The following WDR70 variants were observed in gnomAD, a reference collection of about 807,000 sequenced individuals.
WDR70 encodes WD repeat domain 70.
WDR70 carries 53 observed loss-of-function variants against 88.6 expected under a neutral mutation model. That is an observed-to-expected ratio of 0.60 (90% CI 0.48 to 0.75). WDR70 has a LOEUF of 0.75. Ranked by LOEUF, WDR70 falls within the 30% of genes least tolerant of loss-of-function variation. The pLI, the probability that WDR70 is intolerant of heterozygous loss-of-function variation, is 0.00. For synonymous variants in WDR70, 280 were observed against 270.0 expected (o/e 1.04, Z -0.36); for missense variants, 610 against 823.2 (o/e 0.74, Z 3.17).
chr5:37,537,466 A>C (rs1037520409), intron 9 of WDR70, among the ~76,000 whole-genome samples: 4 of 152,182 alleles, frequency 2.6e-5, no homozygotes, highest in African/African-American at 9.7e-5. Flanking sequence ...TTGAGCTATC[A>C]ATATTTAAAA....
chr5:37,617,377 A>G (rs1003905855), intron 10 of WDR70, among the ~76,000 whole-genome samples: 1 of 152,242 alleles, frequency 6.6e-6, no homozygotes, highest in Non-Finnish European at 1.5e-5. Context: ...ACTAAAAATC[A>G]TTGAATTGCA....
intron 9 of WDR70, among the ~76,000 whole-genome samples, chr5:37,561,015 C>T (rs1009503134): frequency 2.0e-5 from 3 of 151,552 alleles, no homozygotes; most frequent in Non-Finnish European, 4.4e-5. Context: ...TTGGCTGAGC[C>T]GGCCATGTGG....
intron 7 of WDR70, among the ~76,000 whole-genome samples, chr5:37,445,139 T>C (rs771855410): frequency 6.6e-5 from 10 of 152,212 alleles, no homozygotes; most frequent in Non-Finnish European, 1.5e-4. Flanking sequence ...ATCATAATTA[T>C]ATTGTATCAC....
chr5:37,520,490 A>C (rs576323634), intron 9 of WDR70, among the ~76,000 whole-genome samples: 77 of 152,188 alleles, frequency 5.1e-4, no homozygotes, highest in African/African-American at 1.8e-3. Flanking sequence ...CTGCATAATT[A>C]CTTTTCCAAA....
At chr5:37,557,589 A>C (rs928750062) in intron 9 of WDR70, among the ~76,000 whole-genome samples, 3 of 152,036 alleles carry the variant, frequency 2.0e-5, no homozygotes, top group African/African-American at 7.2e-5. Context: ...GGGAATCTCA[A>C]GTAATTATTT....
intron 8 of WDR70, chr5:37,505,719 G>T: frequency 1.7e-6 from 2 of 1,155,860 alleles, no homozygotes; most frequent in South Asian, 2.4e-5. Context: ...GTATAGTGGT[G>T]TCAGCATCTC....
At chr5:37,497,301 CCCTT>C (rs1561875712) in intron 8 of WDR70, among the ~76,000 whole-genome samples, 1 of 145,476 alleles carries the variant, frequency 6.9e-6, no homozygotes, top group African/African-American at 2.6e-5. Context: ...CTTCCCTTCT[CCCTT>C]CCCTTCCCTT....
At chr5:37,394,995 TGTTATAG>T (rs1364820058) in intron 4 of WDR70, among the ~76,000 whole-genome samples, 1 of 152,228 alleles carries the variant, frequency 6.6e-6, no homozygotes, top group Non-Finnish European at 1.5e-5. Context: ...ATTGAGTGCC[TGTTATAG>T]GTGAAGCATT....
At chr5:37,387,080 C>T (rs891190770) in intron 3 of WDR70, among the ~76,000 whole-genome samples, 3 of 145,434 alleles carry the variant, frequency 2.1e-5, no homozygotes, top group Admixed American at 6.9e-5. Context: ...GCCTGGGCGA[C>T]GAGAGCAAAA....
intron 5 of WDR70, among the ~76,000 whole-genome samples, chr5:37,404,891 A>G (rs1325215828): frequency 6.6e-6 from 1 of 152,154 alleles, no homozygotes; most frequent in Non-Finnish European, 1.5e-5. Context: ...TCTGCACAAA[A>G]ATAATTATCA....
intron 9 of WDR70, among the ~76,000 whole-genome samples, chr5:37,599,551 T>A (rs1743801575): frequency 6.6e-6 from 1 of 152,210 alleles, no homozygotes; most frequent in Non-Finnish European, 1.5e-5. Context: ...AAAAGAGTAG[T>A]CCTTTCAACA....
chr5:37,586,904 C>T (rs1256243974), intron 9 of WDR70, among the ~76,000 whole-genome samples: 1 of 152,136 alleles, frequency 6.6e-6, no homozygotes, highest in East Asian at 1.9e-4. Flanking sequence ...TGTCACACAG[C>T]TCTCTGACAC....
chr5:37,752,376 G>T, intron 17 of WDR70, 110 bp from the exon 18 acceptor site: 1 of 675,392 alleles, frequency 1.5e-6, no homozygotes, highest in South Asian at 2.0e-5. Flanking sequence ...TAATAATTGA[G>T]TTGTAATTTA....
chr5:37,743,655 G>A (rs1748551625), intron 17 of WDR70, among the ~76,000 whole-genome samples: 1 of 152,206 alleles, frequency 6.6e-6, no homozygotes, highest in Non-Finnish European at 1.5e-5. Context: ...GTGGCAGTCT[G>A]TGGCCAGAGT....
rs1029194834 is a variant in WDR70 at position 37,701,138 on chromosome 5, C to G, written c.1273C>G (p.Pro425Ala). ...AGCCTCGGGTCTTCCCACCATGTTCCCAATGTAAGTAGCATATTTTAAATA... is the reference window on the plus strand; with the variant it reads ...AGCCTCGGGTCTTCCCACCATGTTCGCAATGTAAGTAGCATATTTTAAATA... ...FSASGLPTMFPMTDCCFSPDD... is the reference protein window; with the variant it reads ...FSASGLPTMFAMTDCCFSPDD... The change falls in exon 12 of 18, where the codon CCA becomes GCA. Residue 425 changes from proline (P) to alanine (A), a missense_variant. Pro to Ala is a conservative substitution (Grantham distance 27). Transcript: ENST00000265107. 2 of 1,585,908 alleles carry G rather than the reference C, an allele frequency of 1.3e-6. No individual in the cohort carries two copies. The highest frequency in any genetic ancestry group is 2.7e-5 in the African/African-American group (2 of 74,348).
chr5:37,616,309 T>C (rs1259575173), intron 10 of WDR70, among the ~76,000 whole-genome samples: 3 of 152,084 alleles, frequency 2.0e-5, no homozygotes, highest in Non-Finnish European at 4.4e-5. Flanking sequence ...GTTTTTGCCA[T>C]GTTGGCCAGG....
At chr5:37,553,886 T>C (rs1234994183) in intron 9 of WDR70, among the ~76,000 whole-genome samples, 1 of 152,218 alleles carries the variant, frequency 6.6e-6, no homozygotes, top group African/African-American at 2.4e-5. Flanking sequence ...CGAGCATTAA[T>C]TGAGTTCATG....
chr5:37,404,869 T>A (rs1240795360), intron 5 of WDR70, among the ~76,000 whole-genome samples: 2 of 152,196 alleles, frequency 1.3e-5, no homozygotes, highest in African/African-American at 4.8e-5. Flanking sequence ...ATGAAAGATT[T>A]GGACAAAGCT....
intron 7 of WDR70, among the ~76,000 whole-genome samples, chr5:37,451,991 T>TCAA (rs542435647): frequency 2.2e-4 from 34 of 151,966 alleles, no homozygotes; most frequent in South Asian, 1.5e-3. Flanking sequence ...AGACTCCATC[T>TCAA]CAACAACAAC....
Sources: gnomAD v4.1 joint callset for allele counts (sites outside exome capture counted in the v4.1 genomes callset) on GRCh38, gnomAD v4.1.1 for gene constraint, MANE v1.5 for transcripts, NCBI Gene and HGNC (gene_info 2026-07-23, HGNC 2026-07-21) for gene names.